RGPD2: variants seen among roughly 807,000 people sequenced by gnomAD.
RGPD2 encodes the protein RANBP2 like and GRIP domain containing 2.
A neutral mutation model predicts 36.0 loss-of-function variants in RGPD2; 2 were observed. That is an observed-to-expected ratio of 0.06 (90% CI 0.02 to 0.17). The LOEUF (loss-of-function observed/expected upper bound fraction) is 0.17. RGPD2 is among the 10% of genes least tolerant of loss of function. RGPD2 has a pLI of 1.00. For synonymous variants in RGPD2, 19 were observed against 163.8 expected, an observed-to-expected ratio of 0.12 and a Z score of 6.75; for missense variants, 40 against 464.3, an observed-to-expected ratio of 0.09 and a Z score of 8.40.
At chr2:87,957,343 C>T in the RGPD2 span, among the ~76,000 whole-genome samples, 1 of 99,700 alleles carries the variant, frequency 1.0e-5, no homozygotes, top group African/African-American at 4.0e-5. Context: ...AGCAAAAAAG[C>T]AATCATCTCC....
chr2:87,988,771 C>A, the RGPD2 span, among the ~76,000 whole-genome samples: 2 of 151,702 alleles, frequency 1.3e-5, no homozygotes, highest in Non-Finnish European at 1.5e-5. Flanking sequence ...GAACTACCGA[C>A]CTCAAGCGAT....
the RGPD2 span, among the ~76,000 whole-genome samples, chr2:87,860,623 T>C: frequency 6.6e-6 from 1 of 151,916 alleles, no homozygotes; most frequent in South Asian, 2.1e-4. Flanking sequence ...AGGGCAATTT[T>C]TCTACTGGAA....
chr2:87,805,817 G>A (rs1360491288), intron 7 of RGPD2, among the ~76,000 whole-genome samples: 10 of 145,070 alleles, frequency 6.9e-5, no homozygotes, highest in East Asian at 2.1e-4. Flanking sequence ...CCGAGATCGT[G>A]CCACTGCACT....
chr2:87,826,007 C>T (rs577302691), upstream of RGPD2: 72 of 429,520 alleles, frequency 1.7e-4, no homozygotes, highest in Admixed American at 7.6e-4. Flanking sequence ...GAGGCCGAGG[C>T]GGGTGCTGTA....
At chr2:87,937,336 T>C in the RGPD2 span, among the ~76,000 whole-genome samples, 4,650 of 151,830 alleles carry the variant, frequency 0.031, 240 homozygotes, top group African/African-American at 0.11. Context: ...AATTCCAAGA[T>C]TCAAGGGTGT....
the RGPD2 span, among the ~76,000 whole-genome samples, chr2:87,951,539 G>A: frequency 6.6e-6 from 1 of 151,984 alleles, no homozygotes; most frequent in Non-Finnish European, 1.5e-5. Flanking sequence ...GTTCCTTGAG[G>A]ACAGAGACTT....
At chr2:87,840,017 T>C in the RGPD2 span, among the ~76,000 whole-genome samples, 2 of 149,784 alleles carry the variant, frequency 1.3e-5, no homozygotes, top group Admixed American at 1.3e-4. Flanking sequence ...TTCATCCATA[T>C]GGTGTGTACT....
the RGPD2 span, among the ~76,000 whole-genome samples, chr2:87,885,307 T>C: frequency 1.3e-5 from 2 of 152,130 alleles, no homozygotes; most frequent in Non-Finnish European, 2.9e-5. Flanking sequence ...TAACATCATT[T>C]TATGATAAAG....
the RGPD2 span, among the ~76,000 whole-genome samples, chr2:87,961,848 T>C: frequency 2.0e-5 from 3 of 151,124 alleles, no homozygotes; most frequent in Admixed American, 1.3e-4. Context: ...TTCAAACCCA[T>C]GTTATTCAAG....
the RGPD2 span, among the ~76,000 whole-genome samples, chr2:87,956,441 G>GTGTC: frequency 5.4e-5 from 8 of 148,778 alleles, no homozygotes; most frequent in East Asian, 1.6e-3. Context: ...ACGTGCGTGT[G>GTGTC]TGTCTACATT....
the RGPD2 span, among the ~76,000 whole-genome samples, chr2:87,866,942 T>C: frequency 0.13 from 13,484 of 100,014 alleles, no homozygotes; most frequent in East Asian, 0.22. Flanking sequence ...GGAATCCATT[T>C]GCATAGAGGA....
At chr2:87,937,054 A>G in the RGPD2 span, among the ~76,000 whole-genome samples, 1 of 151,866 alleles carries the variant, frequency 6.6e-6, no homozygotes. Flanking sequence ...CAGAAAATTA[A>G]TAGTGGAGAA....
the RGPD2 span, among the ~76,000 whole-genome samples, chr2:87,986,336 T>C: frequency 6.7e-6 from 1 of 148,914 alleles, no homozygotes; most frequent in Non-Finnish European, 1.5e-5. Flanking sequence ...TGTTTCACCA[T>C]GTTGGCCAGG....
the RGPD2 span, among the ~76,000 whole-genome samples, chr2:87,961,661 C>T: frequency 2.4e-5 from 3 of 123,148 alleles, no homozygotes; most frequent in Non-Finnish European, 5.1e-5. Context: ...GAGATCGCGC[C>T]ACTGCACTCA....
chr2:87,878,304 G>T, the RGPD2 span, among the ~76,000 whole-genome samples: 1 of 134,096 alleles, frequency 7.5e-6, no homozygotes, highest in Non-Finnish European at 1.6e-5. Flanking sequence ...TCTTTCCTTT[G>T]CTTGGCCTAT....
chr2:87,988,524 A>AATATATATATAT, the RGPD2 span, among the ~76,000 whole-genome samples: 21 of 42,862 alleles, frequency 4.9e-4, no homozygotes, highest in South Asian at 0.013. Flanking sequence ...TATACATATA[A>AATATATATATAT]ATATATATAT....
At chr2:87,943,827 C>T in the RGPD2 span, among the ~76,000 whole-genome samples, 1 of 151,902 alleles carries the variant, frequency 6.6e-6, no homozygotes, top group Admixed American at 6.6e-5. Context: ...CATTCTTCTG[C>T]ATATGAGTAT....
chr2:87,957,951 C>T, the RGPD2 span, among the ~76,000 whole-genome samples: 1 of 152,284 alleles, frequency 6.6e-6, no homozygotes, highest in Admixed American at 6.5e-5. Flanking sequence ...CTCAGATGCT[C>T]ATGAACAAAT....
At chr2:87,960,188 T>A in the RGPD2 span, among the ~76,000 whole-genome samples, 13 of 152,040 alleles carry the variant, frequency 8.6e-5, no homozygotes, top group African/African-American at 3.1e-4. Context: ...TTCAATAGAA[T>A]CAGATGATTC....
Sources: allele counts gnomAD v4.1 joint callset (sites outside exome capture counted in the v4.1 genomes callset), GRCh38; gene constraint gnomAD v4.1.1; transcripts MANE v1.5; gene names NCBI Gene and HGNC (gene_info 2026-07-23, HGNC 2026-07-21).